Variants in MICAL2 observed in about 807,000 individuals in gnomAD.
The protein encoded by MICAL2 is [F-actin]-monooxygenase MICAL2.
A neutral mutation model predicts 127.3 loss-of-function variants in MICAL2; 77 were observed. That is an observed-to-expected ratio of 0.60 (90% CI 0.50 to 0.73). The LOEUF is 0.73. Among genes scored for constraint, MICAL2 ranks in the 30% least tolerant of loss-of-function variants. The pLI, the probability that MICAL2 is intolerant of heterozygous loss-of-function variation, is 0.00. For missense variants in MICAL2, 1,351 were observed against 1,434.4 expected (o/e 0.94, Z 0.94); for synonymous variants, 570 against 551.1 (o/e 1.03, Z -0.48).
upstream of MICAL2, among the ~76,000 whole-genome samples, chr11:12,272,723 G>A (rs1273633661): frequency 6.6e-6 from 1 of 152,176 alleles, no homozygotes; most frequent in African/African-American, 2.4e-5. Flanking sequence ...AGGCCCCAAG[G>A]GATTGACTGG....
rs566635418 is a variant in MICAL2 at position 12,346,682 on chromosome 11, G to A, written c.5516-3156G>A. On this transcript the variant is annotated intron_variant, in intron 32 of 34. Coordinates refer to the MICAL2 transcript ENST00000646065. ...GCCTGCCTCCTGTGTTCTCACAAGA[G>A]GCATGTTGTATTCTATTTGGCTACG... 2.6e-5 allele frequency among the ~76,000 whole-genome samples: 4 copies of A among 152,278 alleles called. No homozygotes were observed. In the East Asian group the frequency reaches 7.7e-4, roughly 29 times the overall value.
intron 29 of MICAL2, among the ~76,000 whole-genome samples, chr11:12,312,758 T>C (rs1296155503): frequency 6.6e-6 from 1 of 152,222 alleles, no homozygotes; most frequent in Non-Finnish European, 1.5e-5. Context: ...AATCTTATGC[T>C]AATAGACTGG....
chr11:12,294,264 G>A (rs745884670), downstream of MICAL2: 15 of 1,613,980 alleles, frequency 9.3e-6, no homozygotes, highest in South Asian at 8.8e-5. Flanking sequence ...AATGCCATCC[G>A]AAGGTCTCTA....
At chr11:12,291,305 T>C (rs1416577055), downstream of MICAL2, among the ~76,000 whole-genome samples, 1 of 152,082 alleles carries the variant, frequency 6.6e-6, no homozygotes, top group East Asian at 1.9e-4. Flanking sequence ...AAGGTTACCA[T>C]GCTTGAGGGG....
chr11:12,262,491 C>T lies in MICAL2; in HGVS notation c.3346C>T (p.Leu1116Phe), dbSNP rs769188437. ...GCCATGGCCATCAGTTCATTTCAGC[C>T]TTCCAGTGCTACACCCACTTCTTGG... Reference protein sequence around the residue: ...LEGSPPVHFSLPVLHPLLG With the variant: ...LEGSPPVHFSFPVLHPLLG Residue 1116 changes from leucine to phenylalanine, a missense_variant, in exon 27 of 28, where the codon CTT (leucine) becomes TTT (phenylalanine). Around this residue, in one of 2 missense-constraint regions of MICAL2, gnomAD observed 752 missense variants for 719.4 expected, o/e 1.05. Transcript: ENST00000683283. The T allele has an allele frequency of 1.1e-5, 18 of 1,613,832 alleles. No individual in the cohort carries two copies. In the Admixed American group the frequency reaches 2.3e-4, roughly 21 times the overall value.
rs1854921225 is a variant in MICAL2, at chr11:12,162,360, T to C, written c.205T>C (p.Leu69=). Reference sequence around the variant, plus strand: ...GAAAGCCAAAGCCCTGTGGTACAAATTGGATAAGCGTGGTTCCCACAAAGA... The same window carrying C: ...GAAAGCCAAAGCCCTGTGGTACAAACTGGATAAGCGTGGTTCCCACAAAGA... ...TWKAKALWYK[L]DKRGSHKEYK... The change falls in exon 3 of 28, where the codon TTG becomes CTG. Residue 69 remains leucine (L), a synonymous_variant. Coordinates refer to ENST00000683283, the MANE Select transcript of MICAL2 (RefSeq NM_001282663.2). 6.2e-7 allele frequency: 1 copy of C among 1,614,258 alleles called. No homozygotes were observed. The highest frequency in any genetic ancestry group is 8.5e-7 in the Non-Finnish European group (1 of 1,180,042).
rs191025981 is a variant in MICAL2, at chr11:12,270,462, G to A, written c.3335-5524G>A. 5.2e-3 allele frequency among the ~76,000 whole-genome samples: 798 copies of A among 152,348 alleles called. 4 individuals carry two copies. The highest frequency in any genetic ancestry group is 0.018 in the African/African-American group (766 of 41,580). On this transcript the variant is annotated intron_variant, in intron 24 of 34. Coordinates refer to the MICAL2 transcript ENST00000646065. ...TCCCAGCTCCCTGCCTTGCAGCAGT[G>A]GCAGTGTTGTGGCCTCTGGGCTCTG... is the stretch of plus-strand genomic sequence containing the variant.
At chr11:12,343,234 C>T (rs1938898624) in intron 32 of MICAL2, among the ~76,000 whole-genome samples, 1 of 151,678 alleles carries the variant, frequency 6.6e-6, no homozygotes, top group African/African-American at 2.4e-5. Flanking sequence ...ATGATGAAAC[C>T]CTATCTCTAC....
downstream of MICAL2, chr11:12,359,152 GA>G (rs1196152628): frequency 6.6e-6 from 1 of 152,270 alleles, no homozygotes; most frequent in Non-Finnish European, 1.5e-5. Context: ...AAGAAGAAAA[GA>G]AAAAAGGAAA....
At chr11:12,352,230 G>A (rs376858008) in intron 33 of MICAL2, among the ~76,000 whole-genome samples, 124 of 152,288 alleles carry the variant, frequency 8.1e-4, no homozygotes, top group African/African-American at 2.6e-3. Context: ...TTGTAAAAAC[G>A]TAAAAATTAT....
intron 11 of MICAL2, among the ~76,000 whole-genome samples, 155 bp downstream of exon 11, chr11:12,222,898 C>T (rs1477549056): frequency 1.3e-5 from 2 of 152,194 alleles, no homozygotes; most frequent in East Asian, 1.9e-4. Context: ...TCTCCCCACT[C>T]GAGTCAGCAT....
Position 12,339,977 on chromosome 11 carries a change from T to C in MICAL2, c.5516-9861T>C, listed in dbSNP as rs190813952. 5.1e-4 allele frequency among the ~76,000 whole-genome samples: 78 copies of C among 152,218 alleles called. 1 individual carries two copies. In the East Asian group the frequency reaches 0.014, roughly 26 times the overall value. On this transcript the variant is annotated intron_variant, in intron 32 of 34. Transcript: ENST00000646065. Reference sequence around the variant, plus strand: ...AACCACTACTCTCTTCAAAGCTCAGTTGGAAATGCAGAAATCACCCATCTT... The same window carrying C: ...AACCACTACTCTCTTCAAAGCTCAGCTGGAAATGCAGAAATCACCCATCTT...
At chr11:12,180,278 G>T (rs566651591) in intron 3 of MICAL2, among the ~76,000 whole-genome samples, 13 of 151,794 alleles carry the variant, frequency 8.6e-5, no homozygotes, top group Non-Finnish European at 1.9e-4. Context: ...ACGCCTTTGT[G>T]AGGAATTGTA....
downstream of MICAL2, among the ~76,000 whole-genome samples, chr11:12,295,441 C>CTTTTTT (rs373402403): frequency 2.4e-5 from 3 of 126,376 alleles, no homozygotes; most frequent in African/African-American, 2.9e-5. Context: ...TGCTCAGCCT[C>CTTTTTT]TTTTTTTTTT....
chr11:12,191,955 G>A (rs1372328584), intron 3 of MICAL2, among the ~76,000 whole-genome samples: 4 of 147,008 alleles, frequency 2.7e-5, no homozygotes, highest in South Asian at 4.2e-4. Context: ...GGTGTCCAGG[G>A]CAGGAGGACC....
intron 31 of MICAL2, chr11:12,324,148 G>T: frequency 6.6e-7 from 1 of 1,525,440 alleles, no homozygotes; most frequent in Non-Finnish European, 8.8e-7. Context: ...GAGTTTTGGG[G>T]GTCTGCATTG....
Position 12,221,645 on chromosome 11 carries a change from C to T in MICAL2, c.1208C>T (p.Pro403Leu). ...VALVGDSLLEPFWPMGTGCAR... is the reference protein window; with the variant it reads ...VALVGDSLLELFWPMGTGCAR... ...AATTTTGCACGTTTTCTTTTGCAGC[C>T]ATTTTGGCCCATGGGTACAGGCTGT... Residue 403 changes from proline to leucine, a missense_variant and splice_region_variant, in exon 10 of 28, where the codon CCA (proline) becomes CTA (leucine). By Grantham distance (98) the Pro-to-Leu change is moderately conservative. This residue lies in a region of MICAL2 where 599 missense variants were observed against 714.9 expected (regional missense o/e 0.84). Coordinates refer to ENST00000683283, the MANE Select transcript of MICAL2 (RefSeq NM_001282663.2). The T allele has an allele frequency of 6.2e-7, 1 of 1,603,266 alleles. No homozygotes were observed. The highest frequency in any genetic ancestry group is 8.5e-7 in the Non-Finnish European group (1 of 1,173,782).
intron 10 of MICAL2, among the ~76,000 whole-genome samples, chr11:12,222,397 G>T (rs997376203): frequency 4.6e-5 from 7 of 152,196 alleles, no homozygotes; most frequent in Non-Finnish European, 4.4e-5. Flanking sequence ...GAGGAGCCCA[G>T]CATCCCCGTC....
chr11:12,243,938 G>T (rs778421370), intron 20 of MICAL2, 49 bp from the exon 21 acceptor site: 46 of 1,605,936 alleles, frequency 2.9e-5, no homozygotes, highest in Non-Finnish European at 3.7e-5. Flanking sequence ...GTATCACCAT[G>T]TGTGACTCCT....
Sources: allele counts gnomAD v4.1 joint callset (sites outside exome capture counted in the v4.1 genomes callset), GRCh38; gene constraint gnomAD v4.1.1; regional missense constraint gnomAD v4.1.1; transcripts MANE v1.5; gene names NCBI Gene and HGNC (gene_info 2026-07-23, HGNC 2026-07-21).